Variants in MMP24 observed in about 807,000 individuals in gnomAD.
MMP24 encodes matrix metallopeptidase 24.
MMP24 carries 25 observed loss-of-function variants against 62.8 expected under a neutral mutation model. That is an observed-to-expected ratio of 0.40 (90% CI 0.29 to 0.56). MMP24 has a LOEUF of 0.56. Ranked by LOEUF, MMP24 falls within the 20% of genes least tolerant of loss-of-function variation. The pLI is 0.50. For missense variants in MMP24, 634 were observed against 853.6 expected (o/e 0.74, Z 3.21); for synonymous variants, 319 against 350.5 (o/e 0.91, Z 1.00).
chr20:35,238,085 T>C (rs1201624150), intron 1 of MMP24, among the ~76,000 whole-genome samples: 1 of 152,112 alleles, frequency 6.6e-6, no homozygotes. Context: ...GACCATTTGC[T>C]CAAGTTAGGA....
At position 35,226,774 on chromosome 20, in the gene MMP24, GCCGCCGCCGCCGCCGCCGCCGCCGGGC is replaced by G; in HGVS notation, c.38_64del (p.Pro13_Gly21del). ...GCCGGGGCGGCCGCGCCGCGCCGGG[GCCGCCGCCGCCGCCGCCGCCGCCGGGC>G]CAGGCCCCGCGCTGGAGCCGCTGGC... On this transcript the variant is annotated inframe_deletion, in exon 1 of 9. Transcript: ENST00000246186. 1 of 105,350 alleles carries G rather than the reference GCCGCCGCCGCCGCCGCCGCCGCCGGGC, an allele frequency of 9.5e-6. No homozygotes were observed. Among genetic ancestry groups the G allele is most frequent in the Non-Finnish European group, 1.2e-5 (1 of 86,830 alleles). 6.5% of individuals were successfully genotyped at this position (105,350 alleles called of 1,614,324 possible). A position where few individuals can be genotyped will look rare whatever the true frequency, so the allele number is the denominator to read the frequency against.
Position 35,248,295 on chromosome 20 carries a change from A to AT in MMP24, c.395+1309dup, listed in dbSNP as rs921784319. ...GTTGGATTATGGCTCTAAATTCTAG[A>AT]TTCCCCCCCCCTTTTTTTTTTTTTT... is the stretch of plus-strand genomic sequence containing the variant. On this transcript the variant is annotated intron_variant, in intron 2 of 8. Coordinates refer to ENST00000246186, the MANE Select transcript of MMP24 (RefSeq NM_006690.4). 2.8e-5 allele frequency among the ~76,000 whole-genome samples: 4 copies of AT among 142,234 alleles called. No homozygotes were observed. In the South Asian group the frequency reaches 6.6e-4, roughly 24 times the overall value. The allele number at this position is 142,234 out of a possible 152,430, so 93.3% of individuals were successfully genotyped here. A position where few individuals can be genotyped will look rare whatever the true frequency, so the allele number is the denominator to read the frequency against.
intron 4 of MMP24, among the ~76,000 whole-genome samples, chr20:35,261,795 C>CTTTTTTTTT (rs11335936): frequency 2.2e-5 from 2 of 88,964 alleles, no homozygotes; most frequent in African/African-American, 5.4e-5. Context: ...TCAGGGCATC[C>CTTTTTTTTT]TTTTTTTTTT....
chr20:35,253,812 C>T (rs1051843949), intron 3 of MMP24, among the ~76,000 whole-genome samples: 13 of 150,272 alleles, frequency 8.7e-5, no homozygotes, highest in African/African-American at 2.5e-4. Context: ...GAACATATTT[C>T]GTATTAGGGA....
chr20:35,232,577 G>A (rs765561587), intron 1 of MMP24, among the ~76,000 whole-genome samples: 2 of 152,162 alleles, frequency 1.3e-5, no homozygotes, highest in Non-Finnish European at 2.9e-5. Flanking sequence ...GGAAGAAGGT[G>A]GTATCTGAGA....
chr20:35,254,957 T>C (rs1453458748), intron 4 of MMP24, among the ~76,000 whole-genome samples: 1 of 152,084 alleles, frequency 6.6e-6, no homozygotes, highest in Non-Finnish European at 1.5e-5. Flanking sequence ...TCAGATCACT[T>C]AGAAGATAGT....
At chr20:35,251,487 C>T (rs566537480) in intron 2 of MMP24, among the ~76,000 whole-genome samples, 1 of 152,228 alleles carries the variant, frequency 6.6e-6, no homozygotes, top group African/African-American at 2.4e-5. Context: ...ACCAGGGCAT[C>T]CTGTAATCTC....
chr20:35,240,104 C>A (rs1425016352), intron 1 of MMP24, among the ~76,000 whole-genome samples: 1 of 152,178 alleles, frequency 6.6e-6, no homozygotes, highest in South Asian at 2.1e-4. Context: ...TACTTGTAGG[C>A]ACTGCCAGAG....
At chr20:35,228,430 A>G (rs1310408034) in intron 1 of MMP24, among the ~76,000 whole-genome samples, 1 of 152,186 alleles carries the variant, frequency 6.6e-6, no homozygotes, top group Non-Finnish European at 1.5e-5. Flanking sequence ...TGTTAAAGTA[A>G]TGCATTTCCT....
In MMP24 at chr20:35,267,356, C is replaced by A; in HGVS notation, c.1131C>A (p.Pro377=). 1 of 1,581,668 alleles carries A rather than the reference C, an allele frequency of 6.3e-7. No homozygotes were observed. Among genetic ancestry groups the A allele is most frequent in the East Asian group, 2.3e-5 (1 of 42,886 alleles). Residue 377 remains proline (P), a synonymous_variant, in exon 6 of 9, where the codon CCC becomes CCA. Coordinates refer to ENST00000246186, the MANE Select transcript of MMP24 (RefSeq NM_006690.4). ...GDRPSTPGTK[P]NICDGNFNTV... ...GGCCATCCACACCAGGCACCAAACC[C>A]AACATCTGTGACGGCAACTTCAACA...
chr20:35,274,000 T>C (rs2060688372), intron 8 of MMP24, among the ~76,000 whole-genome samples: 1 of 152,170 alleles, frequency 6.6e-6, no homozygotes, highest in Non-Finnish European at 1.5e-5. Flanking sequence ...AGGGGTCCTG[T>C]CTGGGCAGCA....
intron 1 of MMP24, among the ~76,000 whole-genome samples, chr20:35,242,149 TG>T (rs2060491263): frequency 1.3e-5 from 2 of 152,060 alleles, no homozygotes; most frequent in South Asian, 4.1e-4. Flanking sequence ...CTGGCCAAAA[TG>T]GTGAAACCCC....
rs577067524 is a variant in MMP24 at position 35,226,773 on chromosome 20, GGCC to G, written c.58_60del (p.Pro20del). 4.7e-4 allele frequency: 401 copies of G among 848,538 alleles called. No individual in the cohort carries two copies. Among genetic ancestry groups the G allele is most frequent in the African/African-American group, 1.7e-3 (34 of 19,760 alleles). The allele number at this position is 848,538 out of a possible 1,614,324, so 52.6% of individuals were successfully genotyped here. ...AGCCGGGGCGGCCGCGCCGCGCCGG[GGCC>G]GCCGCCGCCGCCGCCGCCGCCGGGC... On this transcript the variant is annotated inframe_deletion, in exon 1 of 9. Transcript: ENST00000246186.
intron 1 of MMP24, among the ~76,000 whole-genome samples, chr20:35,244,470 T>C (rs112778168): frequency 0.052 from 7,908 of 152,236 alleles, 670 homozygotes; most frequent in African/African-American, 0.18. Context: ...GACAGAGTTT[T>C]GCTCTTGTTG....
chr20:35,253,270 C>CTTTTTTT (rs34474017), intron 3 of MMP24, among the ~76,000 whole-genome samples: 18 of 79,046 alleles, frequency 2.3e-4, no homozygotes, highest in African/African-American at 8.7e-4. Context: ...CAGAACGGGA[C>CTTTTTTT]TTTTTTTTTT....
rs2060415849 is a variant in MMP24 at position 35,226,927 on chromosome 20, A to G, written c.189A>G (p.Ala63=). 31 of 979,508 alleles carry G rather than the reference A, an allele frequency of 3.2e-5. No individual in the cohort carries two copies. The highest frequency in any genetic ancestry group is 3.6e-5 in the Non-Finnish European group (30 of 828,130). The allele number at this position is 979,508 out of a possible 1,614,324, so 60.7% of individuals were successfully genotyped here. A position where few individuals can be genotyped will look rare whatever the true frequency, so the allele number is the denominator to read the frequency against. The change falls in exon 1 of 9, where the codon GCA becomes GCG. Residue 63 remains alanine (A), a synonymous_variant. Coordinates refer to ENST00000246186, the MANE Select transcript of MMP24 (RefSeq NM_006690.4). ...CGGCGGCGGGGGCAGGGAACCGGGC[A>G]GCGGTGGCGGTGGCGGTGGCGCGGG... ...AAAAAGAGNR[A]AVAVAVARAD... is the part of the protein sequence containing the mutation.
intron 4 of MMP24, among the ~76,000 whole-genome samples, chr20:35,256,956 C>A (rs1445765502): frequency 6.6e-6 from 1 of 152,122 alleles, no homozygotes; most frequent in Non-Finnish European, 1.5e-5. Flanking sequence ...GATTCCCAGG[C>A]CCTTCCCACA....
intron 1 of MMP24, among the ~76,000 whole-genome samples, chr20:35,228,389 C>T (rs749483097): frequency 2.0e-5 from 3 of 152,162 alleles, no homozygotes; most frequent in Non-Finnish European, 4.4e-5. Flanking sequence ...TTTGCTTAGC[C>T]TCTTTGTGTT....
Position 35,274,244 on chromosome 20 carries a change from G to A in MMP24, c.1601-28G>A. 1 of 1,572,080 alleles carries A rather than the reference G, an allele frequency of 6.4e-7. No individual in the cohort carries two copies. The highest frequency in any genetic ancestry group is 8.6e-7 in the Non-Finnish European group (1 of 1,159,182). ...GAGCAGGTGCCGGAAGTGTCTGGGA[G>A]TGGTGATGCTGGGCTGTATTTCTGC... On this transcript the variant is annotated intron_variant, in intron 8 of 8. Transcript: ENST00000246186. This position sits in a 1 kb window ranked among gnomAD's most constrained non-coding sequence, Gnocchi z 5.1.
Sources: allele counts gnomAD v4.1 joint callset (sites outside exome capture counted in the v4.1 genomes callset), GRCh38; gene constraint gnomAD v4.1.1; non-coding constraint Gnocchi (gnomAD v3.1); transcripts MANE v1.5; gene names NCBI Gene and HGNC (gene_info 2026-07-23, HGNC 2026-07-21).